Variants in DSCAM observed in about 807,000 individuals in gnomAD.
DSCAM encodes the protein cell adhesion molecule DSCAM.
Under a neutral mutation model 217.7 loss-of-function variants are expected in DSCAM, and 47 were observed. That is an observed-to-expected ratio of 0.22 (90% CI 0.17 to 0.28). The LOEUF (loss-of-function observed/expected upper bound fraction) is 0.28. Among genes scored for constraint, DSCAM ranks in the 10% least tolerant of loss-of-function variants. DSCAM has a pLI of 1.00. For synonymous variants in DSCAM, 1,056 were observed against 1,015.3 expected, an observed-to-expected ratio of 1.04 and a Z score of -0.76; for missense variants, 2,080 against 2,618.3, an observed-to-expected ratio of 0.79 and a Z score of 4.49.
intron 24 of DSCAM, among the ~76,000 whole-genome samples, chr21:40,081,648 C>T (rs1230659938): frequency 6.6e-6 from 1 of 152,172 alleles, no homozygotes; most frequent in Non-Finnish European, 1.5e-5. Flanking sequence ...TGCTTTCCTC[C>T]CACTTTCCAC....
intron 16 of DSCAM, among the ~76,000 whole-genome samples, chr21:40,157,467 C>T (rs1235496596): frequency 6.6e-6 from 1 of 152,174 alleles, no homozygotes. Flanking sequence ...GGAGAAAGGC[C>T]TGGGCTCTGC....
intron 32 of DSCAM, among the ~76,000 whole-genome samples, chr21:40,018,456 G>T (rs2088204129): frequency 6.6e-6 from 1 of 152,146 alleles, no homozygotes; most frequent in African/African-American, 2.4e-5. Flanking sequence ...TATAGGTCAA[G>T]AATGCCTCAT....
rs372883195 is a variant in DSCAM, at chr21:40,296,074, G to A, written c.2163C>T (p.Ile721=). The A allele has an allele frequency of 1.2e-4, 189 of 1,613,796 alleles. No individual in the cohort carries two copies. The highest frequency in any genetic ancestry group is 8.7e-4 in the Admixed American group (52 of 59,972). Residue 721 remains isoleucine, a synonymous_variant, in exon 10 of 33, where the codon ATC becomes ATT. Transcript: ENST00000400454. The part of the protein sequence containing the change: ...CSAEGYPVPT[I]VWKFSKGAGV... ...CCATACCTTTAGAGAATTTCCACAC[G>A]ATGGTAGGTACAGGGTAACCCTCAG...
chr21:40,028,968 A>G (rs1233527852), intron 32 of DSCAM, among the ~76,000 whole-genome samples: 1 of 151,648 alleles, frequency 6.6e-6, no homozygotes, highest in Non-Finnish European at 1.5e-5. Context: ...CTGTAATTTT[A>G]ATGCTACCTG....
Position 40,138,246 on chromosome 21 carries a change from G to C in DSCAM, c.3407-4237C>G, listed in dbSNP as rs183817381. 2.0e-5 allele frequency among the ~76,000 whole-genome samples: 3 copies of C among 151,494 alleles called. No individual in the cohort carries two copies. The East Asian group carries it at 5.9e-4, about 30-fold the overall frequency. On this transcript the variant is annotated intron_variant, in intron 18 of 32. Coordinates refer to ENST00000400454, the MANE Select transcript of DSCAM (RefSeq NM_001389.5). ...TCTCAGCCTGTGTGAATGTGTGGGG[G>C]GTGTGTGTGGTGTTTGTGGTATGCG... is the stretch of plus-strand genomic sequence containing the variant.
intron 3 of DSCAM, among the ~76,000 whole-genome samples, chr21:40,662,816 C>A (rs1428257729): frequency 6.6e-6 from 1 of 152,192 alleles, no homozygotes; most frequent in Non-Finnish European, 1.5e-5. Flanking sequence ...GCATCTTGAT[C>A]TCAGACTTCC....
chr21:40,022,524 C>T (rs780169247), intron 32 of DSCAM, among the ~76,000 whole-genome samples: 3 of 152,190 alleles, frequency 2.0e-5, no homozygotes, highest in East Asian at 1.9e-4. Flanking sequence ...CAAGGAGTTA[C>T]GACCTCAGTT....
At chr21:40,752,786 T>C (rs2091241611) in intron 1 of DSCAM, among the ~76,000 whole-genome samples, 1 of 150,404 alleles carries the variant, frequency 6.6e-6, no homozygotes. Flanking sequence ...AAGCGGGGAG[T>C]AAAGAATTAC....
intron 3 of DSCAM, among the ~76,000 whole-genome samples, chr21:40,555,258 G>T (rs918319018): frequency 3.9e-4 from 60 of 152,220 alleles, no homozygotes; most frequent in African/African-American, 1.2e-3. Context: ...ACACAGGGAA[G>T]AAAAAAGCAC....
chr21:40,367,376 A>G (rs1270088265), intron 4 of DSCAM, among the ~76,000 whole-genome samples: 2 of 152,052 alleles, frequency 1.3e-5, no homozygotes, highest in Non-Finnish European at 2.9e-5. Context: ...TTTCTTTGTC[A>G]TCCTATTTTA....
At position 40,305,159 on chromosome 21, in the gene DSCAM, T is replaced by C. The variant is rs373148059; in HGVS notation, c.2062+6922A>G. On this transcript the variant is annotated intron_variant, in intron 9 of 32. Transcript: ENST00000400454. The stretch of plus-strand genomic sequence containing the variant: ...AATCTCGGCACTTTGGGAGGCCAAG[T>C]GGGGTGCATCACCTGAGGCCAGGAG... Among the ~76,000 whole-genome samples, 7 of 152,080 alleles carry C rather than the reference T, an allele frequency of 4.6e-5. No homozygotes were observed. In the East Asian group the frequency reaches 1.4e-3, roughly 29 times the overall value.
At chr21:40,041,586 G>C (rs1420050834) in intron 32 of DSCAM, among the ~76,000 whole-genome samples, 1 of 152,070 alleles carries the variant, frequency 6.6e-6, no homozygotes, top group South Asian at 2.1e-4. Context: ...TGTCCGCCTC[G>C]CTCCTTTGAC....
intron 18 of DSCAM, among the ~76,000 whole-genome samples, chr21:40,140,571 G>T (rs967782827): frequency 4.6e-5 from 7 of 152,200 alleles, no homozygotes; most frequent in Admixed American, 1.3e-4. Flanking sequence ...AACATTAAGG[G>T]TATTTAATTT....
At chr21:40,675,488 G>T (rs1772129106) in intron 3 of DSCAM, among the ~76,000 whole-genome samples, 1 of 152,120 alleles carries the variant, frequency 6.6e-6, no homozygotes, top group African/African-American at 2.4e-5. Context: ...CTTCGTTTCT[G>T]TAACTAGGTT....
intron 4 of DSCAM, among the ~76,000 whole-genome samples, chr21:40,363,274 A>G (rs73355367): frequency 0.025 from 2,591 of 105,478 alleles, 90 homozygotes; most frequent in African/African-American, 0.092. Flanking sequence ...TTTTTTTGAG[A>G]TGGAAGTTCA....
intron 27 of DSCAM, among the ~76,000 whole-genome samples, chr21:40,065,394 G>T (rs2089192486): frequency 6.6e-6 from 1 of 152,070 alleles, no homozygotes; most frequent in African/African-American, 2.4e-5. Context: ...AATCTCATCT[G>T]GGACACACTT....
At chr21:40,646,976 G>T (rs1010102044) in intron 3 of DSCAM, among the ~76,000 whole-genome samples, 1 of 152,186 alleles carries the variant, frequency 6.6e-6, no homozygotes, top group Non-Finnish European at 1.5e-5. Flanking sequence ...TTCTTGCCAA[G>T]AATTTATAAC....
At chr21:40,761,716 T>G (rs1361699892) in intron 1 of DSCAM, among the ~76,000 whole-genome samples, 1 of 152,158 alleles carries the variant, frequency 6.6e-6, no homozygotes, top group Non-Finnish European at 1.5e-5. Context: ...CCCTGGTACG[T>G]TTACTTTTTT....
intron 14 of DSCAM, among the ~76,000 whole-genome samples, chr21:40,183,944 C>T (rs2090866662): frequency 6.6e-6 from 1 of 152,170 alleles, no homozygotes; most frequent in Admixed American, 6.5e-5. Flanking sequence ...GTATACATGT[C>T]AGGCACTATG....
Sources: allele counts gnomAD v4.1 joint callset (sites outside exome capture counted in the v4.1 genomes callset), GRCh38; gene constraint gnomAD v4.1.1; transcripts MANE v1.5; gene names NCBI Gene and HGNC (gene_info 2026-07-23, HGNC 2026-07-21).